MGAM2: variants seen among roughly 807,000 people sequenced by gnomAD.
MGAM2 encodes probable maltase-glucoamylase 2.
A neutral mutation model predicts 96.1 loss-of-function variants in MGAM2; 98 were observed. The ratio of observed to expected loss-of-function variants is 1.02; its 90% CI spans 0.87 to 1.21. The LOEUF is 1.21. Among genes scored for constraint, MGAM2 ranks in the 50% most tolerant of loss-of-function variants. MGAM2 has a pLI of 0.00. For synonymous variants in MGAM2, 749 were observed against 414.8 expected, an observed-to-expected ratio of 1.81 and a Z score of -9.79; for missense variants, 2,055 against 1,182.4, an observed-to-expected ratio of 1.74 and a Z score of -10.82.
Position 142,158,281 on chromosome 7 carries a change from T to C in MGAM2, c.2112T>C (p.His704=). Residue 704 remains histidine (H), a synonymous_variant, in exon 19 of 48, where the codon CAT becomes CAC. Coordinates refer to ENST00000477922, the MANE Select transcript of MGAM2 (RefSeq NM_001293626.2). ...AGGACTCAGCCACGTGGGATGTGCA[T>C]GAGCAGTTCTTATGGGGACCTGGAC... The part of the protein sequence containing the change: ...FYQDSATWDV[H]EQFLWGPGLL... 1.4e-6 allele frequency: 1 copy of C among 703,026 alleles called. No homozygotes were observed. The highest frequency in any genetic ancestry group is 2.6e-6 in the Non-Finnish European group (1 of 384,988). 43.5% of individuals were successfully genotyped at this position (703,026 alleles called of 1,614,324 possible).
intron 7 of MGAM2, 81 bp from the exon 8 acceptor site, chr7:142,136,460 A>G: frequency 1.9e-6 from 1 of 515,366 alleles, no homozygotes; most frequent in Non-Finnish European, 3.5e-6. Context: ...TATGTTATAG[A>G]TGGCTTTTGA....
At chr7:142,121,538 T>A (rs530791586) in intron 3 of MGAM2, among the ~76,000 whole-genome samples, 1 of 152,258 alleles carries the variant, frequency 6.6e-6, no homozygotes, top group African/African-American at 2.4e-5. Flanking sequence ...TTTTATTGCA[T>A]GTGAATTATG....
chr7:142,200,476 C>T lies in MGAM2; in HGVS notation c.5137+508C>T, dbSNP rs1585212055. Among the ~76,000 whole-genome samples the T allele has an allele frequency of 2.6e-5, 4 of 152,242 alleles. 1 individual carries two copies. The South Asian group carries it at 8.3e-4, about 32-fold the overall frequency. On this transcript the variant is annotated intron_variant, in intron 45 of 47. Transcript: ENST00000477922. ...CGATGAAATATTAATTTGTATGTTT[C>T]CTTTCCCCAGTTGAGATAGAGTATG...
At chr7:142,138,468 C>A in intron 9 of MGAM2, 74 bp from the exon 10 acceptor site, 1 of 659,758 alleles carries the variant, frequency 1.5e-6, no homozygotes, top group Non-Finnish European at 2.7e-6. Context: ...ACGTTTTCAG[C>A]TCTGGGAACT....
At chr7:142,129,971 T>C (rs974019316) in intron 3 of MGAM2, among the ~76,000 whole-genome samples, 1 of 151,644 alleles carries the variant, frequency 6.6e-6, no homozygotes, top group Non-Finnish European at 1.5e-5. Flanking sequence ...TGTCATTTCA[T>C]GTAAATTTAG....
chr7:142,126,691 C>G (rs555295297), intron 3 of MGAM2, among the ~76,000 whole-genome samples: 1 of 151,974 alleles, frequency 6.6e-6, no homozygotes, highest in East Asian at 1.9e-4. Flanking sequence ...TTCTTTATAT[C>G]TGTTGTCATT....
Position 142,199,860 on chromosome 7 carries a change from C to CTTTTTTT in MGAM2, c.5049-12_5049-6dup. 1 of 589,566 alleles carries CTTTTTTT rather than the reference C, an allele frequency of 1.7e-6. No homozygotes were observed. Among genetic ancestry groups the CTTTTTTT allele is most frequent in the Non-Finnish European group, 3.0e-6 (1 of 332,488 alleles). 36.5% of individuals were successfully genotyped at this position (589,566 alleles called of 1,614,324 possible). A position where few individuals can be genotyped will look rare whatever the true frequency, so the allele number is the denominator to read the frequency against. On this transcript the variant is annotated intron_variant, in intron 44 of 47. Transcript: ENST00000477922. ...ACCTACAATCTAGAGAAAAATAACT[C>CTTTTTTT]TTTTTTTTTTTTTTGGTAGTCGACA...
intron 2 of MGAM2, among the ~76,000 whole-genome samples, 179 bp from the exon 3 acceptor site, chr7:142,120,123 A>G (rs1794519629): frequency 6.6e-6 from 1 of 152,242 alleles, no homozygotes; most frequent in South Asian, 2.1e-4. Flanking sequence ...GTTAAACATC[A>G]TGTGCAAATA....
intron 9 of MGAM2, 71 bp downstream of exon 9, chr7:142,137,616 G>A: frequency 1.8e-6 from 1 of 543,674 alleles, no homozygotes; most frequent in Non-Finnish European, 3.3e-6. Flanking sequence ...ATTAATAAAA[G>A]AAAAATAAAA....
chr7:142,196,707 C>A lies in MGAM2; in HGVS notation c.4523C>A (p.Ala1508Glu), dbSNP rs745581449. The A allele has an allele frequency of 5.1e-6, 4 of 787,248 alleles. No homozygotes were observed. The highest frequency in any genetic ancestry group is 7.1e-6 in the Non-Finnish European group (3 of 424,580). The allele number at this position is 787,248 out of a possible 1,614,324, so 48.8% of individuals were successfully genotyped here. ...FSLFGIPYTG[A>E]DICGFFGDAE... The stretch of plus-strand genomic sequence containing the variant: ...CATTATGCATCTTCTCAGACAGGAG[C>A]AGATATCTGTGGGTTCTTTGGAGAT... The change falls in exon 40 of 48, where the codon GCA becomes GAA. Residue 1508 changes from alanine (A) to glutamate (E), a missense_variant. Ala to Glu is a moderately radical substitution (Grantham distance 107, BLOSUM62 -1). Transcript: ENST00000477922.
At chr7:142,217,126 C>G (rs563356980) in intron 46 of MGAM2, among the ~76,000 whole-genome samples, 1 of 152,306 alleles carries the variant, frequency 6.6e-6, no homozygotes, top group Admixed American at 6.5e-5. Flanking sequence ...CTCTTCACAT[C>G]CATGAAAAAT....
intron 35 of MGAM2, 41 bp downstream of exon 35, chr7:142,186,164 T>C (rs747989450): frequency 1.6e-5 from 11 of 688,428 alleles, no homozygotes; most frequent in South Asian, 9.2e-5. Context: ...TTTTTGGAAA[T>C]GTTAGCAAGT....
At chr7:142,152,634 A>G (rs898147120) in intron 15 of MGAM2, among the ~76,000 whole-genome samples, 1 of 152,196 alleles carries the variant, frequency 6.6e-6, no homozygotes, top group Non-Finnish European at 1.5e-5. Context: ...AAAGACTTGC[A>G]GAGAGAGGTT....
Position 142,164,860 on chromosome 7 carries a change from AT to A in MGAM2, c.2490del (p.Leu831TyrfsTer6), listed in dbSNP as rs1795985648. The A allele has an allele frequency of 2.9e-6, 2 of 695,284 alleles. No individual in the cohort carries two copies. The highest frequency in any genetic ancestry group is 3.5e-5 in the African/African-American group (2 of 56,758). The allele number at this position is 695,284 out of a possible 1,614,324, so 43.1% of individuals were successfully genotyped here. On this transcript the variant is annotated frameshift_variant, in exon 24 of 48. Coordinates refer to ENST00000477922, the MANE Select transcript of MGAM2 (RefSeq NM_001293626.2). LOFTEE classifies it high-confidence loss of function. Reference sequence around the variant, plus strand: ...GACTTTTTTTTCCCCTCCCAGAACCATCTACAAGCAAAGATTATAAATAATA... The same window carrying A: ...GACTTTTTTTTCCCCTCCCAGAACCACTACAAGCAAAGATTATAAATAATA... ...ILYDFSVTSN[H>X]LQAKIINNNY...
In MGAM2 at chr7:142,196,266, C is replaced by G; in HGVS notation, c.4459C>G (p.Gln1487Glu). 1.3e-6 allele frequency: 1 copy of G among 785,132 alleles called. No individual in the cohort carries two copies. Among genetic ancestry groups the G allele is most frequent in the African/African-American group, 1.7e-5 (1 of 58,544 alleles). The allele number at this position is 785,132 out of a possible 1,614,324, so 48.6% of individuals were successfully genotyped here. A position where few individuals can be genotyped will look rare whatever the true frequency, so the allele number is the denominator to read the frequency against. Reference sequence around the variant, plus strand: ...GGGAAACAACACAGCTGCATGGGACCAGCTGGGGAAATCTATCATTGGTGT... The same window carrying G: ...GGGAAACAACACAGCTGCATGGGACGAGCTGGGGAAATCTATCATTGGTGT... ...RLGNNTAAWD[Q>E]LGKSIIGMME... Residue 1487 changes from glutamine to glutamate, a missense_variant, in exon 38 of 48, where the codon CAG becomes GAG. Gln to Glu is a conservative substitution (Grantham distance 29, BLOSUM62 2). Coordinates refer to ENST00000477922, the MANE Select transcript of MGAM2 (RefSeq NM_001293626.2).
intron 2 of MGAM2, among the ~76,000 whole-genome samples, chr7:142,119,994 A>G (rs984491503): frequency 6.6e-6 from 1 of 152,246 alleles, no homozygotes; most frequent in Non-Finnish European, 1.5e-5. Context: ...CAGGTTGTAC[A>G]ACTTCATAAC....
At chr7:142,194,688 A>ATGTGTG (rs1491431748) in intron 37 of MGAM2, among the ~76,000 whole-genome samples, 40 of 112,238 alleles carry the variant, frequency 3.6e-4, no homozygotes, top group African/African-American at 1.3e-3. Flanking sequence ...TTAATAGAAC[A>ATGTGTG]TGTGTGTATG....
At chr7:142,160,783 GA>G (rs1326625783) in intron 21 of MGAM2, among the ~76,000 whole-genome samples, 4 of 151,840 alleles carry the variant, frequency 2.6e-5, no homozygotes, top group Non-Finnish European at 5.9e-5. Context: ...GAGTTATTAT[GA>G]GGGTTAAATG....
In MGAM2 at chr7:142,218,450, T is replaced by G. The variant is rs773952200; in HGVS notation, c.5277T>G (p.Asn1759Lys). 1.4e-6 allele frequency: 1 copy of G among 702,478 alleles called. No homozygotes were observed. Among genetic ancestry groups the G allele is most frequent in the Admixed American group, 2.0e-5 (1 of 49,936 alleles). 43.5% of individuals were successfully genotyped at this position (702,478 alleles called of 1,614,324 possible). A position where few individuals can be genotyped will look rare whatever the true frequency, so the allele number is the denominator to read the frequency against. Residue 1759 changes from asparagine (N) to lysine (K), a missense_variant, in exon 47 of 48, where the codon AAT becomes AAG. Physicochemically the swap from Asn to Lys is moderately conservative, Grantham distance 94 (BLOSUM62 0). Coordinates refer to ENST00000477922, the MANE Select transcript of MGAM2 (RefSeq NM_001293626.2). Reference protein sequence around the residue: ...KVGYIRIWGVNTYVTQVSFTY... With the variant: ...KVGYIRIWGVKTYVTQVSFTY... ...GGTATATTAGAATCTGGGGTGTGAA[T>G]ACCTATGTGACACAAGTCAGTTTCA...
Sources: gnomAD v4.1 joint callset for allele counts (sites outside exome capture counted in the v4.1 genomes callset) on GRCh38, gnomAD v4.1.1 for gene constraint, MANE v1.5 for transcripts, NCBI Gene and HGNC (gene_info 2026-07-23, HGNC 2026-07-21) for gene names.